The following EXOC4 variants were observed in gnomAD, a reference collection of about 807,000 sequenced individuals.
EXOC4 encodes the protein exocyst complex component 4.
A neutral mutation model predicts 107.2 loss-of-function variants in EXOC4; 71 were observed. The observed-to-expected ratio is 0.66, with a 90% confidence interval of 0.55 to 0.81. EXOC4 has a LOEUF of 0.81. EXOC4 is among the 30% of genes least tolerant of loss of function. The pLI is 0.00. For synonymous variants in EXOC4, 456 were observed against 441.2 expected, an observed-to-expected ratio of 1.03 and a Z score of -0.42; for missense variants, 1,108 against 1,189.6, an observed-to-expected ratio of 0.93 and a Z score of 1.01.
At chr7:133,912,782 A>C (rs1226013010) in intron 12 of EXOC4, among the ~76,000 whole-genome samples, 1 of 152,196 alleles carries the variant, frequency 6.6e-6, no homozygotes, top group African/African-American at 2.4e-5. Flanking sequence ...ACCAGTTAAA[A>C]TAGACGTTGG....
intron 3 of EXOC4, among the ~76,000 whole-genome samples, chr7:133,298,697 G>A (rs985239238): frequency 6.6e-6 from 1 of 152,072 alleles, no homozygotes; most frequent in Non-Finnish European, 1.5e-5. Flanking sequence ...TCTGTTACAA[G>A]GCCTTTTAGA....
At chr7:133,793,670 C>T (rs969918303) in intron 10 of EXOC4, among the ~76,000 whole-genome samples, 1 of 152,150 alleles carries the variant, frequency 6.6e-6, no homozygotes, top group African/African-American at 2.4e-5. Context: ...CATGGTGAAA[C>T]CCCATCTCTA....
chr7:133,275,061 C>T lies in EXOC4; in HGVS notation c.166C>T (p.Arg56Cys), dbSNP rs200320447. 1.3e-4 allele frequency: 214 copies of T among 1,613,724 alleles called. No homozygotes were observed. The highest frequency in any genetic ancestry group is 1.8e-4 in the Non-Finnish European group (207 of 1,179,738). The part of the protein sequence containing the change: ...RLEEAYEKCD[R>C]DLDELIVQHY... ...TGAAGAAGCCTACGAGAAATGTGACCGTGACCTGGATGAATTGATTGTACA... is the reference window on the plus strand; with the variant it reads ...TGAAGAAGCCTACGAGAAATGTGACTGTGACCTGGATGAATTGATTGTACA... The change falls in exon 2 of 18, where the codon CGT becomes TGT. Residue 56 changes from arginine to cysteine, a missense_variant. By Grantham distance (180) the Arg-to-Cys change is radical. Transcript: ENST00000253861.
At chr7:133,617,650 T>C (rs1036235381) in intron 9 of EXOC4, among the ~76,000 whole-genome samples, 1 of 152,062 alleles carries the variant, frequency 6.6e-6, no homozygotes, top group Non-Finnish European at 1.5e-5. Context: ...ATCATCTACA[T>C]AAAGCATATG....
chr7:133,732,146 A>G (rs1795341036), intron 10 of EXOC4, among the ~76,000 whole-genome samples: 1 of 152,238 alleles, frequency 6.6e-6, no homozygotes, highest in South Asian at 2.1e-4. Flanking sequence ...TTGCAGGGAC[A>G]TGGATAGAGC....
chr7:133,579,686 C>CTTTTTTT (rs11368284), intron 9 of EXOC4, among the ~76,000 whole-genome samples: 7 of 139,802 alleles, frequency 5.0e-5, no homozygotes, highest in Non-Finnish European at 6.2e-5. Context: ...CACAACTTTA[C>CTTTTTTT]TTTTTTTTTT....
intron 10 of EXOC4, among the ~76,000 whole-genome samples, chr7:133,650,097 G>T (rs1027701021): frequency 6.6e-6 from 1 of 151,992 alleles, no homozygotes. Flanking sequence ...ACATTCTTTT[G>T]TTTGATCATT....
intron 2 of EXOC4, among the ~76,000 whole-genome samples, chr7:133,280,091 G>A (rs1428623939): frequency 1.3e-5 from 2 of 152,028 alleles, no homozygotes; most frequent in Non-Finnish European, 2.9e-5. Flanking sequence ...TTGAGTAGGT[G>A]GTATTACAGG....
At chr7:134,084,054 C>G in the EXOC4 span, among the ~76,000 whole-genome samples, 1 of 152,114 alleles carries the variant, frequency 6.6e-6, no homozygotes, top group African/African-American at 2.4e-5. Context: ...CACTCTAATA[C>G]CAAGGCTGTC....
chr7:133,772,581 A>G (rs1796266915), intron 10 of EXOC4, among the ~76,000 whole-genome samples: 1 of 151,946 alleles, frequency 6.6e-6, no homozygotes, highest in Non-Finnish European at 1.5e-5. Flanking sequence ...CTTAACCTAA[A>G]TTTTTCATGC....
intron 11 of EXOC4, among the ~76,000 whole-genome samples, 200 bp downstream of exon 11, chr7:133,817,744 A>T (rs199785978): frequency 5.3e-5 from 7 of 132,944 alleles, no homozygotes; most frequent in East Asian, 4.0e-4. Context: ...AAGGAAAATT[A>T]AAAAAAAAAA....
intron 5 of EXOC4, among the ~76,000 whole-genome samples, 185 bp from the exon 6 acceptor site, chr7:133,356,145 T>G (rs1796015307): frequency 6.6e-6 from 1 of 152,200 alleles, no homozygotes; most frequent in Non-Finnish European, 1.5e-5. Context: ...ATGGGTATGA[T>G]TTGAGGAATA....
chr7:134,075,444 A>G, the EXOC4 span, among the ~76,000 whole-genome samples: 31,094 of 152,092 alleles, frequency 0.2, 4,732 homozygotes, highest in African/African-American at 0.43. Flanking sequence ...GGCTTGGGAG[A>G]CCTCACAATC....
chr7:134,068,470 G>A (rs140322407), downstream of EXOC4, among the ~76,000 whole-genome samples: 829 of 152,118 alleles, frequency 5.4e-3, 12 homozygotes, highest in African/African-American at 0.018. Flanking sequence ...TTCACCTTTC[G>A]CCATGATTGT....
chr7:133,387,898 G>A (rs1028962254), intron 7 of EXOC4, among the ~76,000 whole-genome samples: 7 of 151,896 alleles, frequency 4.6e-5, no homozygotes, highest in South Asian at 2.1e-4. Context: ...GGGGGACTTG[G>A]CATGTTTTCA....
At chr7:134,006,673 G>A (rs1184468265) in intron 16 of EXOC4, among the ~76,000 whole-genome samples, 1 of 152,050 alleles carries the variant, frequency 6.6e-6, no homozygotes, top group East Asian at 1.9e-4. Context: ...CTTCAGAACA[G>A]GAAAACAACC....
chr7:133,894,335 T>A (rs1286594352), intron 11 of EXOC4, among the ~76,000 whole-genome samples: 2 of 117,802 alleles, frequency 1.7e-5, no homozygotes, highest in Non-Finnish European at 3.4e-5. Flanking sequence ...TTCTTCTAAA[T>A]TTTTTTCAAA....
At chr7:133,395,683 C>T (rs865908845) in intron 7 of EXOC4, among the ~76,000 whole-genome samples, 2 of 152,060 alleles carry the variant, frequency 1.3e-5, no homozygotes, top group Admixed American at 6.6e-5. Context: ...ATATAAAACA[C>T]ACACACACAC....
At chr7:134,076,342 C>T in the EXOC4 span, among the ~76,000 whole-genome samples, 2 of 152,208 alleles carry the variant, frequency 1.3e-5, no homozygotes, top group African/African-American at 4.8e-5. Context: ...ACGGTGAAAC[C>T]CCGTCTCTAC....
Sources: gnomAD v4.1 joint callset for allele counts (sites outside exome capture counted in the v4.1 genomes callset) on GRCh38, gnomAD v4.1.1 for gene constraint, MANE v1.5 for transcripts, NCBI Gene and HGNC (gene_info 2026-07-23, HGNC 2026-07-21) for gene names.